The following VIPR2 variants were observed in gnomAD, a reference collection of about 807,000 sequenced individuals.
VIPR2 encodes vasoactive intestinal peptide receptor 2.
A neutral mutation model predicts 58.0 loss-of-function variants in VIPR2; 48 were observed. That is an observed-to-expected ratio of 0.83 (90% confidence interval 0.66 to 1.05). VIPR2 has a LOEUF of 1.05. Among genes scored for constraint, VIPR2 ranks in the 50% least tolerant of loss-of-function variants. The pLI is 0.00. For missense variants in VIPR2, 534 were observed against 558.0 expected (o/e 0.96, Z 0.43); for synonymous variants, 243 against 235.2 (o/e 1.03, Z -0.30).
intron 2 of VIPR2, among the ~76,000 whole-genome samples, chr7:159,139,454 A>G (rs567026084): frequency 2.0e-5 from 3 of 152,244 alleles, no homozygotes; most frequent in South Asian, 2.1e-4. Flanking sequence ...CTGGCCCAGC[A>G]TCTCACGTCT....
In VIPR2 at chr7:159,142,414, G is replaced by C. The variant is rs762181664; in HGVS notation, c.151+32C>G. The C allele has an allele frequency of 2.0e-5, 31 of 1,530,092 alleles. No homozygotes were observed. In the African/African-American group the frequency reaches 2.3e-4, roughly 12 times the overall value. The allele number at this position is 1,530,092 out of a possible 1,614,324, so 94.8% of individuals were successfully genotyped here. On this transcript the variant is annotated intron_variant, in intron 2 of 12. Transcript: ENST00000262178. ...GCGCATTCCCGGGTGAGAATGTCAC[G>C]GGAGTTCTTACTCACCAAGCCTCTG...
At chr7:159,092,805 G>A (rs1030017670) in intron 4 of VIPR2, among the ~76,000 whole-genome samples, 4 of 151,950 alleles carry the variant, frequency 2.6e-5, no homozygotes, top group East Asian at 3.9e-4. Flanking sequence ...TGTTTGCAAC[G>A]TGGCTTTCTG....
Position 159,095,942 on chromosome 7 carries a change from G to C in VIPR2, c.357+7815C>G, listed in dbSNP as rs1236349506. Among the ~76,000 whole-genome samples, 2 of 152,100 alleles carry C rather than the reference G, an allele frequency of 1.3e-5. No homozygotes were observed. The highest frequency in any genetic ancestry group is 2.4e-5 in the African/African-American group (1 of 41,402). The stretch of plus-strand genomic sequence containing the variant: ...CCTGAAGCATGTGCTGTGTGTCCTG[G>C]AGGGGCCAGTGTGGTGTGTGGTGTA... On this transcript the variant is annotated intron_variant, in intron 4 of 12. Coordinates refer to ENST00000262178, the MANE Select transcript of VIPR2 (RefSeq NM_003382.5). This position sits in a 1 kb window ranked among gnomAD's most constrained non-coding sequence, Gnocchi z 5.2.
intron 7 of VIPR2, 103 bp downstream of exon 7, chr7:159,036,649 A>G: frequency 1.4e-6 from 2 of 1,409,830 alleles, no homozygotes; most frequent in East Asian, 2.5e-5. Context: ...CCTGACATGC[A>G]TTCTACGGGG....
At chr7:159,125,880 C>T (rs968951029) in intron 2 of VIPR2, among the ~76,000 whole-genome samples, 3 of 152,136 alleles carry the variant, frequency 2.0e-5, no homozygotes, top group Admixed American at 6.5e-5. Flanking sequence ...TGGACATTTC[C>T]TCGAAGCCAC....
At chr7:159,138,873 T>C (rs1797339454) in intron 2 of VIPR2, among the ~76,000 whole-genome samples, 1 of 152,262 alleles carries the variant, frequency 6.6e-6, no homozygotes. Flanking sequence ...TAATTTCTAC[T>C]GTGAGAATTT....
Position 159,132,947 on chromosome 7 carries a change from A to AC in VIPR2, c.151+9498_151+9499insG, listed in dbSNP as rs1421260999. ...TTCAGACAGAATGATTGGCATACAG[A>AC]TTGATTTCAGACAGAATGATTGGCA... is the stretch of plus-strand genomic sequence containing the variant. On this transcript the variant is annotated intron_variant, in intron 2 of 12. Coordinates refer to ENST00000262178, the MANE Select transcript of VIPR2 (RefSeq NM_003382.5). Among the ~76,000 whole-genome samples the AC allele has an allele frequency of 7.4e-5, 11 of 148,352 alleles. No individual in the cohort carries two copies. In the East Asian group the frequency reaches 2.0e-3, roughly 26 times the overall value.
At chr7:159,119,947 G>T (rs1315533378) in intron 2 of VIPR2, among the ~76,000 whole-genome samples, 2 of 151,836 alleles carry the variant, frequency 1.3e-5, no homozygotes, top group Non-Finnish European at 2.9e-5. Flanking sequence ...AGAAATGCTT[G>T]TCCCCTTGAT....
rs182820629 is a variant in VIPR2 at position 159,119,147 on chromosome 7, A to C, written c.152-9228T>G. On this transcript the variant is annotated intron_variant, in intron 2 of 12. Coordinates refer to ENST00000262178, the MANE Select transcript of VIPR2 (RefSeq NM_003382.5). Reference sequence around the variant, plus strand: ...TAGGGTGGTCCCTAGCCATCCATTTAAACAGGCCCTGGCGATTCTGACAAT... The same window carrying C: ...TAGGGTGGTCCCTAGCCATCCATTTCAACAGGCCCTGGCGATTCTGACAAT... Among the ~76,000 whole-genome samples the C allele has an allele frequency of 1.6e-3, 250 of 152,302 alleles. 1 individual carries two copies. Among genetic ancestry groups the C allele is most frequent in the African/African-American group, 5.8e-3 (239 of 41,558 alleles).
Position 159,030,629 on chromosome 7 carries a change from G to C in VIPR2, c.1304C>G (p.Thr435Ser). ...SRAQSFLQTE[T>S]SVI ...GCAGGGGTGGGGCTAGATGACCGAGGTCTCCGTTTGCAGGAAGGACTGGGC... is the reference window on the plus strand; with the variant it reads ...GCAGGGGTGGGGCTAGATGACCGAGCTCTCCGTTTGCAGGAAGGACTGGGC... The change falls in exon 13 of 13, where the codon ACC becomes AGC. Residue 435 changes from threonine to serine, a missense_variant. Thr to Ser is a moderately conservative substitution (Grantham distance 58, BLOSUM62 1). Around this residue, in one of 3 missense-constraint regions of VIPR2, gnomAD observed 306 missense variants for 285.8 expected, o/e 1.07. Coordinates refer to ENST00000262178, the MANE Select transcript of VIPR2 (RefSeq NM_003382.5). The C allele has an allele frequency of 6.5e-7, 1 of 1,548,584 alleles. No individual in the cohort carries two copies. The highest frequency in any genetic ancestry group is 8.7e-7 in the Non-Finnish European group (1 of 1,147,062).
Position 159,030,402 on chromosome 7 carries a change from G to C in VIPR2, c.*214C>G, listed in dbSNP as rs1853468781. ...TACGGCTGAAACACATTTTGCACAA[G>C]ATTATCTAAATGCTGGAGTTTAAAT... On this transcript the variant is annotated 3_prime_UTR_variant, in exon 13 of 13. Coordinates refer to ENST00000262178, the MANE Select transcript of VIPR2 (RefSeq NM_003382.5). 1 of 480,178 alleles carries C rather than the reference G, an allele frequency of 2.1e-6. No homozygotes were observed. The highest frequency in any genetic ancestry group is 3.5e-6 in the Non-Finnish European group (1 of 284,420). 29.7% of individuals were successfully genotyped at this position (480,178 alleles called of 1,614,324 possible). A position where few individuals can be genotyped will look rare whatever the true frequency, so the allele number is the denominator to read the frequency against.
Position 159,128,968 on chromosome 7 carries a change from A to AATGC in VIPR2, c.151+13474_151+13477dup, listed in dbSNP as rs1278616063. Among the ~76,000 whole-genome samples the AATGC allele has an allele frequency of 6.6e-6, 1 of 152,130 alleles. No homozygotes were observed. The highest frequency in any genetic ancestry group is 2.4e-5 in the African/African-American group (1 of 41,424). On this transcript the variant is annotated intron_variant, in intron 2 of 12. Transcript: ENST00000262178. This position sits in a 1 kb window ranked among gnomAD's most constrained non-coding sequence, Gnocchi z 4.1. ...CAAAGCCAGCCCGAGCGCCAGTGTA[A>AATGC]ATGCACCCCCTCCCTCCTGTGAGCT...
chr7:159,042,386 G>A (rs191192381), intron 6 of VIPR2, among the ~76,000 whole-genome samples: 23 of 152,292 alleles, frequency 1.5e-4, no homozygotes, highest in African/African-American at 5.3e-4. Context: ...GTGCTCAACA[G>A]CACCTGCTAT....
intron 2 of VIPR2, among the ~76,000 whole-genome samples, chr7:159,125,804 C>T (rs1193294766): frequency 2.0e-5 from 3 of 152,158 alleles, no homozygotes; most frequent in African/African-American, 7.2e-5. Context: ...ACCCAGCTGA[C>T]CATGCAGAGC....
intron 5 of VIPR2, among the ~76,000 whole-genome samples, chr7:159,057,579 A>G (rs1855395330): frequency 1.3e-5 from 2 of 152,204 alleles, no homozygotes; most frequent in South Asian, 4.1e-4. Flanking sequence ...ATTGATTTTT[A>G]TCTGACATAC....
chr7:159,067,971 C>T (rs1426634216), intron 4 of VIPR2, among the ~76,000 whole-genome samples: 1 of 152,258 alleles, frequency 6.6e-6, no homozygotes, highest in Non-Finnish European at 1.5e-5. Flanking sequence ...TAGCCCCTCT[C>T]TGCAGAGGTC....
intron 5 of VIPR2, among the ~76,000 whole-genome samples, chr7:159,049,646 CTG>C (rs1854867558): frequency 6.6e-6 from 1 of 152,168 alleles, no homozygotes; most frequent in African/African-American, 2.4e-5. Flanking sequence ...TCTGAGATGG[CTG>C]TGTGTTGGGT....
rs189328641 is a variant in VIPR2 at position 159,135,696 on chromosome 7, G to A, written c.151+6750C>T. On this transcript the variant is annotated intron_variant, in intron 2 of 12. Transcript: ENST00000262178. ...AAATTAGCTGGGCGTGGTGACAGGC[G>A]CCTGTAATCCCAGCTACTCAGGAGG... Among the ~76,000 whole-genome samples, 728 of 151,998 alleles carry A rather than the reference G, an allele frequency of 4.8e-3. 6 individuals carry two copies. The highest frequency in any genetic ancestry group is 0.017 in the African/African-American group (700 of 41,454).
Position 159,093,598 on chromosome 7 carries a change from A to G in VIPR2, c.357+10159T>C, listed in dbSNP as rs1221165251. ...AGCAGCGCTGGGCTCAGGATCCGAG[A>G]TGGGAGCGAGGAGCTGTTCCACCCA... On this transcript the variant is annotated intron_variant, in intron 4 of 12. Transcript: ENST00000262178. This position sits in a 1 kb window ranked among gnomAD's most constrained non-coding sequence, Gnocchi z 6.7. Among the ~76,000 whole-genome samples, 1 of 152,174 alleles carries G rather than the reference A, an allele frequency of 6.6e-6. No homozygotes were observed. Among genetic ancestry groups the G allele is most frequent in the East Asian group, 1.9e-4 (1 of 5,190 alleles).
Sources: allele counts gnomAD v4.1 joint callset (sites outside exome capture counted in the v4.1 genomes callset), GRCh38; gene constraint gnomAD v4.1.1; regional missense constraint gnomAD v4.1.1; non-coding constraint Gnocchi (gnomAD v3.1); transcripts MANE v1.5; gene names NCBI Gene and HGNC (gene_info 2026-07-23, HGNC 2026-07-21).